The following SLC16A7 variants were observed in gnomAD, a reference collection of about 807,000 sequenced individuals.
SLC16A7 encodes the protein monocarboxylate transporter 2.
In SLC16A7, 33 loss-of-function variants were observed where a neutral mutation model predicts 34.9. That is an observed-to-expected ratio of 0.94 (90% confidence interval 0.72 to 1.26). The LOEUF (loss-of-function observed/expected upper bound fraction) is 1.26, where lower values mean the gene tolerates loss of function less well. SLC16A7 is among the 50% of genes most tolerant of loss of function. The probability of loss-of-function intolerance (pLI) is 0.00; values close to 1 mark genes in which losing one functional copy is unlikely to be tolerated. For missense variants in SLC16A7, 573 were observed against 578.1 expected, an observed-to-expected ratio of 0.99 and a Z score of 0.09; for synonymous variants, 201 against 206.6, an observed-to-expected ratio of 0.97 and a Z score of 0.23.
intron 2 of SLC16A7, among the ~76,000 whole-genome samples, chr12:59,698,273 T>C (rs998603950): frequency 7.2e-5 from 11 of 151,774 alleles, no homozygotes; most frequent in Non-Finnish European, 1.6e-4. Context: ...ATTTATGATT[T>C]TAAAGAAATC....
chr12:59,776,672 C>T (rs1433558196), intron 5 of SLC16A7, among the ~76,000 whole-genome samples: 1 of 151,976 alleles, frequency 6.6e-6, no homozygotes, highest in African/African-American at 2.4e-5. Flanking sequence ...ACATCATTGA[C>T]CTTTTGTCTC....
At position 59,731,614 on chromosome 12, in the gene SLC16A7, G is replaced by C. The variant is rs151110528; in HGVS notation, c.217+26596G>C. ...AAATTCCAGTCTTCGTTATTTTCTA[G>C]CCATGTGATTCTTATTCAAATGATG... On this transcript the variant is annotated intron_variant, in intron 3 of 5. Coordinates refer to ENST00000547379, the MANE Select transcript of SLC16A7 (RefSeq NM_001270623.2). 5.9e-5 allele frequency among the ~76,000 whole-genome samples: 9 copies of C among 152,254 alleles called. No individual in the cohort carries two copies. The East Asian group carries it at 1.7e-3, about 29-fold the overall frequency.
intron 2 of SLC16A7, among the ~76,000 whole-genome samples, chr12:59,669,241 T>G (rs995898734): frequency 4.6e-5 from 7 of 152,214 alleles, no homozygotes; most frequent in Non-Finnish European, 8.8e-5. Flanking sequence ...TAAATACATG[T>G]GAATCATATT....
intron 1 of SLC16A7, among the ~76,000 whole-genome samples, chr12:59,598,965 A>G (rs186120468): frequency 1.9e-3 from 288 of 152,346 alleles, no homozygotes; most frequent in Non-Finnish European, 3.2e-3. Flanking sequence ...TACAGAAAAA[A>G]GAATTTATGC....
chr12:59,644,791 C>T (rs979811451), intron 1 of SLC16A7, among the ~76,000 whole-genome samples: 9 of 152,040 alleles, frequency 5.9e-5, no homozygotes, highest in African/African-American at 1.4e-4. Flanking sequence ...TTCTTTATAA[C>T]GGATAGAAAA....
intron 1 of SLC16A7, among the ~76,000 whole-genome samples, chr12:59,618,690 G>A (rs113634990): frequency 2.6e-4 from 39 of 151,862 alleles, no homozygotes; most frequent in Admixed American, 1.8e-3. Context: ...GTGATCTTCC[G>A]TTTCCAATAG....
intron 1 of SLC16A7, among the ~76,000 whole-genome samples, chr12:59,652,888 G>A (rs1465086335): frequency 2.0e-5 from 3 of 151,704 alleles, no homozygotes; most frequent in Non-Finnish European, 4.4e-5. Context: ...CAGAAGGTCA[G>A]GTATTCTAAC....
intron 1 of SLC16A7, among the ~76,000 whole-genome samples, chr12:59,604,159 T>C (rs1433184405): frequency 2.0e-5 from 3 of 152,258 alleles, no homozygotes; most frequent in Non-Finnish European, 4.4e-5. Flanking sequence ...CATAGAATAC[T>C]TCAAGGATAA....
At chr12:59,634,809 C>A (rs947451175) in intron 1 of SLC16A7, among the ~76,000 whole-genome samples, 2 of 151,902 alleles carry the variant, frequency 1.3e-5, no homozygotes, top group Non-Finnish European at 2.9e-5. Context: ...CTTGAATGCT[C>A]TACAGTGGGT....
At chr12:59,732,990 C>T (rs937182369) in intron 3 of SLC16A7, among the ~76,000 whole-genome samples, 1 of 152,174 alleles carries the variant, frequency 6.6e-6, no homozygotes, top group Admixed American at 6.5e-5. Flanking sequence ...CCCAAAAGGG[C>T]TCTTGGGAGG....
At chr12:59,739,495 A>G (rs1162583697) in intron 3 of SLC16A7, among the ~76,000 whole-genome samples, 1 of 141,772 alleles carries the variant, frequency 7.1e-6, no homozygotes, top group African/African-American at 2.7e-5. Flanking sequence ...ATAGTGCCGC[A>G]ATAAATATAC....
intron 2 of SLC16A7, among the ~76,000 whole-genome samples, chr12:59,682,196 T>C (rs893686264): frequency 6.6e-6 from 1 of 152,216 alleles, no homozygotes; most frequent in Non-Finnish European, 1.5e-5. Context: ...TTAATCATTA[T>C]CTGCAGATAA....
intron 2 of SLC16A7, among the ~76,000 whole-genome samples, chr12:59,699,372 T>C (rs943771641): frequency 6.6e-6 from 1 of 151,678 alleles, no homozygotes; most frequent in Non-Finnish European, 1.5e-5. Flanking sequence ...TTATTAGTAA[T>C]CACAGAATGC....
At chr12:59,742,528 T>C (rs1878457034) in intron 3 of SLC16A7, among the ~76,000 whole-genome samples, 1 of 152,074 alleles carries the variant, frequency 6.6e-6, no homozygotes, top group African/African-American at 2.4e-5. Flanking sequence ...GAAATCACAG[T>C]GGAGATGGGA....
At chr12:59,640,769 C>G (rs1164916321) in intron 1 of SLC16A7, among the ~76,000 whole-genome samples, 1 of 151,958 alleles carries the variant, frequency 6.6e-6, no homozygotes. Context: ...CATCCTTCAT[C>G]TTGGAAGCCT....
chr12:59,742,984 A>G (rs1255117628), intron 3 of SLC16A7, among the ~76,000 whole-genome samples: 1 of 152,228 alleles, frequency 6.6e-6, no homozygotes, highest in Non-Finnish European at 1.5e-5. Flanking sequence ...CAAAAAAAGT[A>G]GATGACTCAG....
chr12:59,688,366 GTATGGC>G (rs1871317376), intron 2 of SLC16A7, among the ~76,000 whole-genome samples: 1 of 152,066 alleles, frequency 6.6e-6, no homozygotes, highest in Non-Finnish European at 1.5e-5. Flanking sequence ...GGTAGGAAGT[GTATGGC>G]TTTTAATTCA....
At position 59,672,538 on chromosome 12, in the gene SLC16A7, A is replaced by G. The variant is rs551069138; in HGVS notation, c.-31+17288A>G. ...ATTCCAGCAGGCTCATTGTTTCACCATGCTGTGTTTTCCTTCTGTTTCTGG... is the reference window on the plus strand; with the variant it reads ...ATTCCAGCAGGCTCATTGTTTCACCGTGCTGTGTTTTCCTTCTGTTTCTGG... On this transcript the variant is annotated intron_variant, in intron 2 of 5. Coordinates refer to ENST00000547379, the MANE Select transcript of SLC16A7 (RefSeq NM_001270623.2). Among the ~76,000 whole-genome samples the G allele has an allele frequency of 3.1e-4, 47 of 151,948 alleles. No individual in the cohort carries two copies. In the South Asian group the frequency reaches 8.7e-3, roughly 28 times the overall value.
At chr12:59,690,350 TC>T (rs1292311769) in intron 2 of SLC16A7, among the ~76,000 whole-genome samples, 2 of 152,022 alleles carry the variant, frequency 1.3e-5, no homozygotes, top group African/African-American at 4.8e-5. Flanking sequence ...TTCTATATTT[TC>T]TGAGTTCTTA....
Sources: gnomAD v4.1 joint callset for allele counts (sites outside exome capture counted in the v4.1 genomes callset) on GRCh38, gnomAD v4.1.1 for gene constraint, MANE v1.5 for transcripts, NCBI Gene and HGNC (gene_info 2026-07-23, HGNC 2026-07-21) for gene names.